FCRL5: variants seen among roughly 807,000 people sequenced by gnomAD.
The protein encoded by FCRL5 is Fc receptor-like protein 5.
FCRL5 carries 79 observed loss-of-function variants against 92.1 expected under a neutral mutation model. The observed-to-expected ratio is 0.86, with a 90% CI of 0.72 to 1.03. The LOEUF is 1.03. Ranked by LOEUF, FCRL5 falls within the 50% of genes least tolerant of loss-of-function variation. FCRL5 has a pLI of 0.00. For missense variants in FCRL5, 1,160 were observed against 1,181.1 expected (o/e 0.98, Z 0.26); for synonymous variants, 466 against 469.3 (o/e 0.99, Z 0.09).
rs1489054655 is a variant in FCRL5 at position 157,539,264 on chromosome 1, G to A, written c.1224C>T (p.Leu408=). 2 of 1,614,188 alleles carry A rather than the reference G, an allele frequency of 1.2e-6. No individual in the cohort carries two copies. The highest frequency in any genetic ancestry group is 1.1e-5 in the South Asian group (1 of 91,084). The change falls in exon 7 of 17, where the codon CTC becomes CTT. Residue 408 remains leucine (L), a synonymous_variant. Transcript: ENST00000361835. The part of the protein sequence containing the change: ...TLHCEAQRGS[L]PILYQFHHEG... ...CATGATGAAACTGGTACAGGATGGG[G>A]AGTGAACCTCTCTGGGCTTCACAGT... is the stretch of plus-strand genomic sequence containing the variant.
chr1:157,519,677 T>C, intron 13 of FCRL5, 66 bp downstream of exon 13: 1 of 1,546,822 alleles, frequency 6.5e-7, no homozygotes, highest in Admixed American at 1.7e-5. Flanking sequence ...AATCATCAGA[T>C]TCAATTCCAT....
intron 3 of FCRL5, 63 bp from the exon 4 acceptor site, chr1:157,545,145 T>C: frequency 6.5e-7 from 1 of 1,541,558 alleles, no homozygotes; most frequent in Non-Finnish European, 8.7e-7. Context: ...TTTCATTGTT[T>C]TTCCAAGTAG....
intron 7 of FCRL5, among the ~76,000 whole-genome samples, chr1:157,537,602 A>T (rs1265974282): frequency 2.0e-5 from 3 of 152,172 alleles, no homozygotes; most frequent in Non-Finnish European, 4.4e-5. Flanking sequence ...TCTGTGAGCC[A>T]CACCCTATTA....
chr1:157,517,595 G>A (rs114333233), intron 15 of FCRL5, among the ~76,000 whole-genome samples: 2,189 of 152,252 alleles, frequency 0.014, 43 homozygotes, highest in African/African-American at 0.049. Flanking sequence ...AAGGGGACAT[G>A]GGTGCAGGAA....
intron 8 of FCRL5, 135 bp from the exon 9 acceptor site, chr1:157,528,030 G>A: frequency 9.8e-7 from 1 of 1,016,538 alleles, no homozygotes; most frequent in Admixed American, 2.9e-5. Context: ...TCAAATTGTT[G>A]CTGTTCACTG....
rs1558125407 is a variant in FCRL5, at chr1:157,518,417, C to T, written c.2812+12G>A. 1 of 1,610,788 alleles carries T rather than the reference C, an allele frequency of 6.2e-7. No individual in the cohort carries two copies. Among genetic ancestry groups the T allele is most frequent in the South Asian group, 1.1e-5 (1 of 90,968 alleles). On this transcript the variant is annotated intron_variant, in intron 15 of 16. Transcript: ENST00000361835. Reference sequence around the variant, plus strand: ...GAGGGTGGGCCAGAACAGAGACATCCTTGGGTCTTACCTGCATGTTTCTTT... The same window carrying T: ...GAGGGTGGGCCAGAACAGAGACATCTTTGGGTCTTACCTGCATGTTTCTTT...
At chr1:157,530,228 G>A (rs1265365135) in intron 8 of FCRL5, among the ~76,000 whole-genome samples, 1 of 151,956 alleles carries the variant, frequency 6.6e-6, no homozygotes, top group African/African-American at 2.4e-5. Context: ...TATATATTAT[G>A]GGCATCTTTC....
intron 10 of FCRL5, 121 bp from the exon 11 acceptor site, chr1:157,521,413 G>C: frequency 8.2e-7 from 1 of 1,224,028 alleles, no homozygotes; most frequent in Non-Finnish European, 1.1e-6. Context: ...TTAAAACATA[G>C]ATGATAAAGC....
At chr1:157,551,109 A>C (rs2101655905) in intron 1 of FCRL5, among the ~76,000 whole-genome samples, 1 of 152,348 alleles carries the variant, frequency 6.6e-6, no homozygotes, top group Non-Finnish European at 1.5e-5. Context: ...GTCTGCATTT[A>C]CGTAGGTTAT....
At chr1:157,550,240 A>C (rs1651755444) in intron 1 of FCRL5, among the ~76,000 whole-genome samples, 1 of 152,178 alleles carries the variant, frequency 6.6e-6, no homozygotes, top group Non-Finnish European at 1.5e-5. Flanking sequence ...AAAAGTGATA[A>C]GGAGTCATGG....
intron 6 of FCRL5, 156 bp downstream of exon 6, chr1:157,542,703 G>T: frequency 1.1e-6 from 1 of 909,488 alleles, no homozygotes; most frequent in Non-Finnish European, 1.7e-6. Flanking sequence ...TCAAGAGGCA[G>T]ACAGCTGGTT....
rs753510908 is a variant in FCRL5 at position 157,539,253 on chromosome 1, T to C, written c.1235A>G (p.Tyr412Cys). Residue 412 changes from tyrosine (Y) to cysteine (C), a missense_variant, in exon 7 of 17, where the codon TAC (tyrosine) becomes TGC (cysteine). Tyr to Cys is a radical substitution (Grantham distance 194). Transcript: ENST00000361835. ...GGCAGCACCCTCATGATGAAACTGG[T>C]ACAGGATGGGGAGTGAACCTCTCTG... The part of the protein sequence containing the change: ...EAQRGSLPIL[Y>C]QFHHEGAALE... 2.5e-6 allele frequency: 4 copies of C among 1,614,028 alleles called. No homozygotes were observed. In the African/African-American group the frequency reaches 5.3e-5, roughly 22 times the overall value.
chr1:157,524,615 C>A (rs1380362064), intron 9 of FCRL5, 58 bp from the exon 10 acceptor site: 1 of 1,491,942 alleles, frequency 6.7e-7, no homozygotes. Context: ...TTCCTTCATG[C>A]TAAAGACATT....
Position 157,515,861 on chromosome 1 carries a change from G to A in FCRL5, c.2825C>T (p.Pro942Leu). ...ACTCACCTTGTTCCTGAGATGCCTG[G>A]GGTCAGAGGCCACTGTGGAAAGAGG... ...EKKKHAVASDPRHLRNKGSPI... is the reference protein window; with the variant it reads ...EKKKHAVASDLRHLRNKGSPI... The change falls in exon 16 of 17, where the codon CCC (proline) becomes CTC (leucine). Residue 942 changes from proline to leucine, a missense_variant. Pro to Leu is a moderately conservative substitution (Grantham distance 98). Coordinates refer to ENST00000361835, the MANE Select transcript of FCRL5 (RefSeq NM_031281.3). 6.2e-7 allele frequency: 1 copy of A among 1,613,978 alleles called. No individual in the cohort carries two copies. Among genetic ancestry groups the A allele is most frequent in the Non-Finnish European group, 8.5e-7 (1 of 1,180,012 alleles).
intron 7 of FCRL5, 131 bp downstream of exon 7, chr1:157,538,955 G>C: frequency 2.9e-6 from 3 of 1,017,108 alleles, no homozygotes; most frequent in Non-Finnish European, 4.3e-6. Context: ...GAGCTAGAGA[G>C]TGGAGGAGGA....
chr1:157,548,934 G>A (rs138665548), intron 2 of FCRL5, among the ~76,000 whole-genome samples: 1 of 152,160 alleles, frequency 6.6e-6, no homozygotes, highest in Non-Finnish European at 1.5e-5. Context: ...CCCATTACCA[G>A]GTATATAACC....
At chr1:157,543,232 C>T (rs1215496239) in intron 5 of FCRL5, 95 bp from the exon 6 acceptor site, 4 of 1,255,078 alleles carry the variant, frequency 3.2e-6, no homozygotes, top group Non-Finnish European at 4.4e-6. Flanking sequence ...CCAGTCTCCA[C>T]CCTTAACTTG....
rs945614254 is a variant in FCRL5, at chr1:157,539,359, C to G, written c.1129G>C (p.Val377Leu). The change falls in exon 7 of 17, where the codon GTG (valine) becomes CTG (leucine). Residue 377 changes from valine (V) to leucine (L), a missense_variant. By Grantham distance (32) the Val-to-Leu change is conservative (BLOSUM62 1). Transcript: ENST00000361835. The stretch of plus-strand genomic sequence containing the variant: ...CTGAGGTTGAGGACAGGATGAGACA[C>G]GGGAACTGAGAGAGAGAAAAAATTA... ...KAVSLSVTVP[V>L]SHPVLNLSSP... 1 of 1,599,978 alleles carries G rather than the reference C, an allele frequency of 6.3e-7. No individual in the cohort carries two copies. Among genetic ancestry groups the G allele is most frequent in the African/African-American group, 1.3e-5 (1 of 74,628 alleles).
Position 157,520,447 on chromosome 1 carries a change from C to A in FCRL5, c.2616G>T (p.Trp872Cys), listed in dbSNP as rs1650122927. 5 of 1,573,992 alleles carry A rather than the reference C, an allele frequency of 3.2e-6. No homozygotes were observed. Among genetic ancestry groups the A allele is most frequent in the Non-Finnish European group, 3.5e-6 (4 of 1,158,888 alleles). ...LAAGALLLYC[W>C]LSRKAGRKPA... ...GTCACCCACCTGCTTTTCTCGAGAG[C>A]CAGCAGTAGAGCAGCAGTGCCCCCG... is the stretch of plus-strand genomic sequence containing the variant. The change falls in exon 12 of 17, where the codon TGG (tryptophan) becomes TGT (cysteine). Residue 872 changes from tryptophan to cysteine, a missense_variant. Physicochemically the swap from Trp to Cys is radical, Grantham distance 215. Transcript: ENST00000361835.
Sources: allele counts gnomAD v4.1 joint callset (sites outside exome capture counted in the v4.1 genomes callset), GRCh38; gene constraint gnomAD v4.1.1; transcripts MANE v1.5; gene names NCBI Gene and HGNC (gene_info 2026-07-23, HGNC 2026-07-21).